NAV2: variants seen among roughly 807,000 people sequenced by gnomAD.
The protein encoded by NAV2 is neuron navigator 2.
Under a neutral mutation model 223.2 loss-of-function variants are expected in NAV2, and 54 were observed. The ratio of observed to expected loss-of-function variants is 0.24; its 90% CI spans 0.19 to 0.30. The LOEUF is 0.30. Ranked by LOEUF, NAV2 falls within the 10% of genes least tolerant of loss-of-function variation. The pLI is 1.00. For synonymous variants in NAV2, 1,279 were observed against 1,239.3 expected, an observed-to-expected ratio of 1.03 and a Z score of -0.67; for missense variants, 2,806 against 3,147.5, an observed-to-expected ratio of 0.89 and a Z score of 2.60.
chr11:19,625,500 G>A (rs2047142203), intron 1 of NAV2, among the ~76,000 whole-genome samples: 1 of 152,108 alleles, frequency 6.6e-6, no homozygotes, highest in South Asian at 2.1e-4. Context: ...CATGGACTGT[G>A]CTGCAATAAA....
chr11:19,580,553 A>C (rs1455791759), intron 1 of NAV2, among the ~76,000 whole-genome samples: 2 of 152,172 alleles, frequency 1.3e-5, no homozygotes, highest in Non-Finnish European at 2.9e-5. Flanking sequence ...TGAATCTCTC[A>C]ATACTGCCAC....
At chr11:20,062,415 C>G in intron 20 of NAV2, 56 bp downstream of exon 20, 1 of 1,317,046 alleles carries the variant, frequency 7.6e-7, no homozygotes, top group South Asian at 1.3e-5. Flanking sequence ...GTTCCTTTAT[C>G]AAATGTGTCA....
At chr11:19,401,603 G>A (rs923716996) in intron 1 of NAV2, among the ~76,000 whole-genome samples, 5 of 152,182 alleles carry the variant, frequency 3.3e-5, no homozygotes, top group Non-Finnish European at 5.9e-5. Flanking sequence ...CAAATCAAAG[G>A]AAGAAAGGGT....
At chr11:19,883,601 A>G (rs1434862595) in intron 5 of NAV2, among the ~76,000 whole-genome samples, 1 of 152,192 alleles carries the variant, frequency 6.6e-6, no homozygotes, top group Non-Finnish European at 1.5e-5. Flanking sequence ...CCAATAAATT[A>G]TTTCTTACCT....
rs1248404101 is a variant in NAV2, at chr11:19,984,894, CG to C, written c.2768+648del. ...AACTGATTCTATGACCCTGAGCAAC[CG>C]ATGAAGTGAGGAGTTTGGACTATAT... is the stretch of plus-strand genomic sequence containing the variant. On this transcript the variant is annotated intron_variant, in intron 11 of 37. Coordinates refer to ENST00000349880, the MANE Select transcript of NAV2 (RefSeq NM_145117.5). Among the ~76,000 whole-genome samples, 7 of 152,270 alleles carry C rather than the reference CG, an allele frequency of 4.6e-5. No individual in the cohort carries two copies. The East Asian group carries it at 1.2e-3, about 25-fold the overall frequency.
intron 1 of NAV2, among the ~76,000 whole-genome samples, chr11:19,741,380 T>TC (rs1167020001): frequency 6.6e-6 from 1 of 151,996 alleles, no homozygotes; most frequent in Non-Finnish European, 1.5e-5. Flanking sequence ...CCACAGAACT[T>TC]CAACTTTGTC....
At chr11:20,035,844 G>A in intron 11 of NAV2, 115 bp from the exon 12 acceptor site, 2 of 1,204,166 alleles carry the variant, frequency 1.7e-6, no homozygotes, top group Non-Finnish European at 1.2e-6. Context: ...CTTTGTCCGG[G>A]GCTTCATGGC....
At chr11:19,740,171 C>A (rs1474916464) in intron 1 of NAV2, among the ~76,000 whole-genome samples, 1 of 152,102 alleles carries the variant, frequency 6.6e-6, no homozygotes, top group African/African-American at 2.4e-5. Flanking sequence ...AGACCCAGGG[C>A]AAACTGTACT....
chr11:20,025,377 G>A (rs1433365597), intron 11 of NAV2, among the ~76,000 whole-genome samples: 1 of 152,228 alleles, frequency 6.6e-6, no homozygotes, highest in Non-Finnish European at 1.5e-5. Flanking sequence ...CAGAAAACTA[G>A]GATGAGTTTG....
Position 19,717,367 on chromosome 11 carries a change from G to T in NAV2, c.267+3405G>T, listed in dbSNP as rs140557515. Among the ~76,000 whole-genome samples, 12 of 152,366 alleles carry T rather than the reference G, an allele frequency of 7.9e-5. No homozygotes were observed. In the South Asian group the frequency reaches 1.9e-3, roughly 24 times the overall value. On this transcript the variant is annotated intron_variant, in intron 1 of 37. Coordinates refer to ENST00000349880, the MANE Select transcript of NAV2 (RefSeq NM_145117.5). ...GGGAGGCCTCAGAGGCATGCTTGGG[G>T]CTGGGTATCCAAGGTGCTCAAAGGA...
intron 1 of NAV2, among the ~76,000 whole-genome samples, chr11:19,620,076 G>T (rs1442875155): frequency 6.6e-6 from 1 of 152,140 alleles, no homozygotes; most frequent in Non-Finnish European, 1.5e-5. Flanking sequence ...TTGTAGATGT[G>T]TGATATTATT....
chr11:19,355,571 C>A (rs1339318485), intron 1 of NAV2, among the ~76,000 whole-genome samples: 1 of 152,122 alleles, frequency 6.6e-6, no homozygotes, highest in East Asian at 1.9e-4. Context: ...ATTGTTTGAC[C>A]TTCTCCCACC....
chr11:19,435,134 G>A (rs1225309723), intron 1 of NAV2, among the ~76,000 whole-genome samples: 1 of 152,028 alleles, frequency 6.6e-6, no homozygotes, highest in Non-Finnish European at 1.5e-5. Flanking sequence ...ATTTTGAAAT[G>A]TACAATACAT....
At chr11:19,613,339 A>G (rs1220494630) in intron 1 of NAV2, among the ~76,000 whole-genome samples, 1 of 152,158 alleles carries the variant, frequency 6.6e-6, no homozygotes, top group East Asian at 1.9e-4. Flanking sequence ...GGAAAAAAAA[A>G]TCATGTTTTT....
chr11:19,682,067 A>C (rs1290042676), intron 1 of NAV2, among the ~76,000 whole-genome samples: 1 of 152,086 alleles, frequency 6.6e-6, no homozygotes, highest in Non-Finnish European at 1.5e-5. Context: ...GCCCACTACC[A>C]CCAGAGCATC....
rs137907342 is a variant in NAV2, at chr11:19,983,497, A to C, written c.2646-628A>C. Among the ~76,000 whole-genome samples the C allele has an allele frequency of 2.6e-4, 39 of 152,314 alleles. No individual in the cohort carries two copies. In the South Asian group the frequency reaches 7.5e-3, roughly 29 times the overall value. On this transcript the variant is annotated intron_variant, in intron 10 of 37. Transcript: ENST00000349880. ...ATGTCTTCCACTTATATAGCCTTAC[A>C]CAAATTTCAGTGCACTTTCATATTC...
At chr11:19,603,759 T>C (rs1331320047) in intron 1 of NAV2, among the ~76,000 whole-genome samples, 1 of 151,952 alleles carries the variant, frequency 6.6e-6, no homozygotes, top group Non-Finnish European at 1.5e-5. Flanking sequence ...AACAAAGATG[T>C]ATAACATTAA....
chr11:20,035,918 C>G (rs772623327), intron 11 of NAV2, 41 bp from the exon 12 acceptor site: 2 of 1,612,738 alleles, frequency 1.2e-6, no homozygotes, highest in East Asian at 4.5e-5. Flanking sequence ...GCTGGAACAG[C>G]CTGAGGTTTT....
chr11:19,883,491 C>T (rs2063344362), intron 5 of NAV2, among the ~76,000 whole-genome samples: 2 of 152,196 alleles, frequency 1.3e-5, no homozygotes, highest in South Asian at 4.1e-4. Flanking sequence ...TCTGTGTCTA[C>T]ACAGATAATC....
Sources: allele counts gnomAD v4.1 joint callset (sites outside exome capture counted in the v4.1 genomes callset), GRCh38; gene constraint gnomAD v4.1.1; transcripts MANE v1.5; gene names NCBI Gene and HGNC (gene_info 2026-07-23, HGNC 2026-07-21).